CRB1: variants seen among roughly 807,000 people sequenced by gnomAD.
CRB1 encodes the protein protein crumbs homolog 1.
A neutral mutation model predicts 120.0 loss-of-function variants in CRB1; 83 were observed. The ratio of observed to expected loss-of-function variants is 0.69; its 90% CI spans 0.58 to 0.83. CRB1 has a LOEUF of 0.83. CRB1 is among the 40% of genes least tolerant of loss of function. The pLI, the probability that CRB1 is intolerant of heterozygous loss-of-function variation, is 0.00. For synonymous variants in CRB1, 625 were observed against 612.5 expected (o/e 1.02, Z -0.30); for missense variants, 1,699 against 1,687.6 (o/e 1.01, Z -0.12).
intron 1 of CRB1, among the ~76,000 whole-genome samples, chr1:197,277,022 G>T (rs565819352): frequency 6.6e-6 from 1 of 152,018 alleles, no homozygotes; most frequent in East Asian, 1.9e-4. Context: ...TAAAGCGTTG[G>T]TGGCTTAAAA....
chr1:197,444,906 T>TACAC (rs59391242), intron 11 of CRB1: 127,941 of 147,520 alleles, frequency 0.87, 56,635 homozygotes, highest in South Asian at 0.96. Flanking sequence ...CAGCCATGCA[T>TACAC]ACACACACAC....
chr1:197,350,122 AAAC>A (rs1485208973), intron 4 of CRB1, among the ~76,000 whole-genome samples: 333 of 151,986 alleles, frequency 2.2e-3, no homozygotes, highest in African/African-American at 7.6e-3. Context: ...AAAAAAAAAA[AAAC>A]CTGAAAATTT....
intron 4 of CRB1, among the ~76,000 whole-genome samples, chr1:197,348,704 C>T (rs1659919177): frequency 6.6e-6 from 1 of 152,016 alleles, no homozygotes; most frequent in African/African-American, 2.4e-5. Context: ...GCTCAATCTC[C>T]TAACCTTGTG....
upstream of CRB1, among the ~76,000 whole-genome samples, chr1:197,267,649 A>C (rs1285566346): frequency 6.6e-6 from 1 of 152,238 alleles, no homozygotes; most frequent in Non-Finnish European, 1.5e-5. Context: ...GACTTGAACA[A>C]TTTAATCTGA....
At chr1:197,208,389 C>A in the CRB1 span, among the ~76,000 whole-genome samples, 7 of 152,292 alleles carry the variant, frequency 4.6e-5, no homozygotes, top group Middle Eastern at 6.8e-3. Flanking sequence ...GGCTGCTATT[C>A]AGATTCCTCC....
At chr1:197,202,965 GTGTGTGTGTGTGTGTGTC>G in the CRB1 span, among the ~76,000 whole-genome samples, 2 of 144,254 alleles carry the variant, frequency 1.4e-5, no homozygotes, top group African/African-American at 2.5e-5. Context: ...TCTTTGTGGT[GTGTGTGTGTGTGTGTGTC>G]TGTGTGTGTG....
chr1:197,285,669 G>A (rs1655785254), intron 1 of CRB1, among the ~76,000 whole-genome samples: 2 of 151,886 alleles, frequency 1.3e-5, no homozygotes, highest in African/African-American at 4.8e-5. Context: ...GACGTTTGAT[G>A]TGGTGACTGA....
chr1:197,353,824 A>T (rs2125345768), intron 4 of CRB1, among the ~76,000 whole-genome samples: 1 of 151,088 alleles, frequency 6.6e-6, no homozygotes, highest in South Asian at 2.1e-4. Context: ...TAAAAAAAAA[A>T]AAAAAAAAAA....
At chr1:197,469,454 A>G (rs997566294) in intron 11 of CRB1, among the ~76,000 whole-genome samples, 1 of 152,144 alleles carries the variant, frequency 6.6e-6, no homozygotes, top group Non-Finnish European at 1.5e-5. Context: ...GAGAGAAATT[A>G]GAACAGAATT....
chr1:197,375,635 G>A (rs1661605595), intron 5 of CRB1, among the ~76,000 whole-genome samples: 1 of 152,096 alleles, frequency 6.6e-6, no homozygotes, highest in Non-Finnish European at 1.5e-5. Context: ...TCCTGCCTAT[G>A]TTTGGACTAC....
chr1:197,284,324 G>A (rs1402986774), intron 1 of CRB1, among the ~76,000 whole-genome samples: 1 of 151,884 alleles, frequency 6.6e-6, no homozygotes, highest in African/African-American at 2.4e-5. Flanking sequence ...TGCACCCTGG[G>A]TGTGTGTGGC....
intron 5 of CRB1, among the ~76,000 whole-genome samples, chr1:197,368,537 C>T (rs1329152618): frequency 6.6e-6 from 1 of 152,156 alleles, no homozygotes; most frequent in African/African-American, 2.4e-5. Context: ...TTGTTGATTG[C>T]TTACTGCCTA....
At chr1:197,433,555 C>G (rs532461912) in intron 8 of CRB1, among the ~76,000 whole-genome samples, 36 of 151,826 alleles carry the variant, frequency 2.4e-4, no homozygotes, top group African/African-American at 8.7e-4. Context: ...TAGAGTGAGA[C>G]CATGGGGATA....
At chr1:197,267,886 C>A (rs538475573), upstream of CRB1, among the ~76,000 whole-genome samples, 1 of 152,266 alleles carries the variant, frequency 6.6e-6, no homozygotes, top group South Asian at 2.1e-4. Context: ...GCCCAACTTA[C>A]AAACAGCAGA....
At chr1:197,453,900 ATTAT>A (rs1373020193) in intron 11 of CRB1, among the ~76,000 whole-genome samples, 5 of 122,980 alleles carry the variant, frequency 4.1e-5, no homozygotes, top group African/African-American at 2.2e-4. Flanking sequence ...ATATTATTAT[ATTAT>A]TAATATATAT....
intron 5 of CRB1, among the ~76,000 whole-genome samples, chr1:197,374,205 C>T (rs774407645): frequency 1.2e-4 from 19 of 152,114 alleles, no homozygotes; most frequent in Admixed American, 2.6e-4. Flanking sequence ...GCTGGGTAAT[C>T]CATTTGATTC....
intron 1 of CRB1, among the ~76,000 whole-genome samples, chr1:197,297,858 T>G (rs1235651844): frequency 1.3e-5 from 2 of 152,080 alleles, no homozygotes; most frequent in Admixed American, 6.6e-5. Flanking sequence ...AGAGATAAGA[T>G]AATTCAAATA....
the CRB1 span, among the ~76,000 whole-genome samples, chr1:197,220,548 C>T: frequency 6.6e-6 from 1 of 152,168 alleles, no homozygotes; most frequent in South Asian, 2.1e-4. Context: ...GCAAAGGTAA[C>T]TATTGCGTTT....
At chr1:197,318,736 A>G (rs913014822) in intron 1 of CRB1, among the ~76,000 whole-genome samples, 1 of 152,196 alleles carries the variant, frequency 6.6e-6, no homozygotes, top group Non-Finnish European at 1.5e-5. Flanking sequence ...AAAATAAGTC[A>G]GGCTTGGGAA....
Sources: allele counts gnomAD v4.1 joint callset (sites outside exome capture counted in the v4.1 genomes callset), GRCh38; gene constraint gnomAD v4.1.1; transcripts MANE v1.5; gene names NCBI Gene and HGNC (gene_info 2026-07-23, HGNC 2026-07-21).